The following CCDC82 variants were observed in gnomAD, a reference collection of about 807,000 sequenced individuals.
CCDC82 encodes the protein coiled-coil domain containing 82, also known as coiled-coil domain-containing protein 82.
A neutral mutation model predicts 60.6 loss-of-function variants in CCDC82; 47 were observed. That is an observed-to-expected ratio of 0.77 (90% CI 0.61 to 0.99). The LOEUF (loss-of-function observed/expected upper bound fraction) is 0.99. Ranked by LOEUF, CCDC82 falls within the 50% of genes least tolerant of loss-of-function variation. The pLI is 0.00. For synonymous variants in CCDC82, 212 were observed against 207.4 expected (o/e 1.02, Z -0.19); for missense variants, 588 against 633.0 (o/e 0.93, Z 0.76).
intron 9 of CCDC82, chr11:96,356,360 T>C (rs1864349616): frequency 2.8e-6 from 2 of 722,868 alleles, no homozygotes; most frequent in Non-Finnish European, 3.4e-6. Flanking sequence ...TATATGACAA[T>C]ATTTATCAGT....
At chr11:96,357,184 A>G in intron 9 of CCDC82, 1 of 985,466 alleles carries the variant, frequency 1.0e-6, no homozygotes, top group Non-Finnish European at 1.2e-6. Flanking sequence ...TTGAAATTTC[A>G]TTACAGCACA....
chr11:96,358,932 T>C, intron 9 of CCDC82, 61 bp downstream of exon 9: 1 of 1,354,048 alleles, frequency 7.4e-7, no homozygotes. Context: ...TTTGTTTCCT[T>C]TTGCTGATCA....
chr11:96,359,916 G>T (rs1035087777), intron 8 of CCDC82, among the ~76,000 whole-genome samples: 10 of 150,738 alleles, frequency 6.6e-5, no homozygotes, highest in Non-Finnish European at 1.3e-4. Context: ...TTAATATTTT[G>T]CTGTCAGCCA....
At chr11:96,357,247 A>T in intron 9 of CCDC82, 1 of 985,414 alleles carries the variant, frequency 1.0e-6, no homozygotes, top group Non-Finnish European at 1.2e-6. Flanking sequence ...TTTCTAGGAA[A>T]TCTTTTGAGA....
At chr11:96,356,338 T>A in intron 9 of CCDC82, 2 of 611,076 alleles carry the variant, frequency 3.3e-6, no homozygotes, top group South Asian at 1.4e-4. Context: ...ATTATAATTT[T>A]AAATTATTAT....
rs201134348 is a variant in CCDC82, at chr11:96,383,493, T to A, written c.787-20A>T. 2.8e-4 allele frequency: 423 copies of A among 1,502,416 alleles called. 6 individuals are homozygous for A. The East Asian group carries it at 9.5e-3, about 34-fold the overall frequency. 93.1% of individuals were successfully genotyped at this position (1,502,416 alleles called of 1,614,324 possible). On this transcript the variant is annotated intron_variant, in intron 4 of 9. Transcript: ENST00000646818. ...AGAGTCCTAATTAAATTAAAATAAATGCTTCAGTAAATGGTGCTATTAAAA... is the reference window on the plus strand; with the variant it reads ...AGAGTCCTAATTAAATTAAAATAAAAGCTTCAGTAAATGGTGCTATTAAAA...
intron 1 of CCDC82, chr11:96,389,061 C>T (rs1280362513): frequency 6.6e-6 from 1 of 152,172 alleles, no homozygotes; most frequent in Non-Finnish European, 1.5e-5. Context: ...GTTCTTATCA[C>T]ACTGCTATGA....
intron 5 of CCDC82, among the ~76,000 whole-genome samples, chr11:96,374,299 C>T (rs1007272268): frequency 1.3e-5 from 2 of 152,124 alleles, no homozygotes; most frequent in Non-Finnish European, 2.9e-5. Flanking sequence ...TAAGACCTAT[C>T]ATTAGCAACC....
chr11:96,378,798 C>T (rs539589036), intron 5 of CCDC82, among the ~76,000 whole-genome samples: 1 of 151,940 alleles, frequency 6.6e-6, no homozygotes, highest in African/African-American at 2.4e-5. Flanking sequence ...CCCTCTACTC[C>T]CTACCATATC....
At chr11:96,360,125 T>C (rs564654071) in intron 8 of CCDC82, among the ~76,000 whole-genome samples, 3 of 147,290 alleles carry the variant, frequency 2.0e-5, no homozygotes, top group African/African-American at 4.9e-5. Context: ...ATTTAATATA[T>C]ATTAATATAT....
At chr11:96,388,755 C>T (rs1273482366) in intron 1 of CCDC82, 3 of 152,158 alleles carry the variant, frequency 2.0e-5, no homozygotes, top group Admixed American at 2.0e-4. Context: ...GCAGTGGAAC[C>T]CCAGGTCATT....
intron 9 of CCDC82, chr11:96,357,146 T>C: frequency 1.0e-6 from 1 of 985,380 alleles, no homozygotes; most frequent in Non-Finnish European, 1.2e-6. Context: ...AGAGTGAGGA[T>C]GGGAAATGTC....
Position 96,353,394 on chromosome 11 carries a change from C to T in CCDC82, c.*252G>A, listed in dbSNP as rs1260581043. Reference sequence around the variant, plus strand: ...CACTTGACAGTCATCTGTTATAAAGCCATTATTATATAACTTTAAAATATA... The same window carrying T: ...CACTTGACAGTCATCTGTTATAAAGTCATTATTATATAACTTTAAAATATA... On this transcript the variant is annotated 3_prime_UTR_variant, in exon 10 of 10. Coordinates refer to ENST00000646818, the MANE Select transcript of CCDC82 (RefSeq NM_024725.4). The T allele has an allele frequency of 2.7e-6, 1 of 364,976 alleles. No individual in the cohort carries two copies. Among genetic ancestry groups the T allele is most frequent in the African/African-American group, 2.1e-5 (1 of 47,074 alleles). The allele number at this position is 364,976 out of a possible 1,614,324, so 22.6% of individuals were successfully genotyped here.
chr11:96,369,404 AGT>A (rs1865135897), intron 7 of CCDC82, among the ~76,000 whole-genome samples: 1 of 152,220 alleles, frequency 6.6e-6, no homozygotes, highest in Non-Finnish European at 1.5e-5. Flanking sequence ...TTAGATTTAA[AGT>A]GAGAGACCTG....
chr11:96,358,421 T>G, intron 9 of CCDC82: 1 of 1,228,122 alleles, frequency 8.1e-7, no homozygotes, highest in Non-Finnish European at 1.0e-6. Flanking sequence ...TCAAATTTAG[T>G]GATCAATAGG....
intron 7 of CCDC82, among the ~76,000 whole-genome samples, chr11:96,367,634 G>A (rs148785060): frequency 6.7e-4 from 102 of 152,178 alleles, no homozygotes; most frequent in African/African-American, 2.3e-3. Context: ...TCATCCAGGA[G>A]GGTTGGAATC....
intron 5 of CCDC82, chr11:96,383,064 A>T: frequency 2.0e-6 from 1 of 506,122 alleles, no homozygotes; most frequent in Non-Finnish European, 3.5e-6. Context: ...TCATTGAAGT[A>T]AAGGCGTGTT....
intron 9 of CCDC82, chr11:96,358,679 A>AG: frequency 7.9e-7 from 1 of 1,267,280 alleles, no homozygotes; most frequent in Non-Finnish European, 9.9e-7. Flanking sequence ...AAAAAAAAAA[A>AG]AAAATCAGGG....
chr11:96,377,640 T>C lies in CCDC82; in HGVS notation c.992-4173A>G, dbSNP rs373981963. Among the ~76,000 whole-genome samples the C allele has an allele frequency of 4.6e-5, 7 of 152,218 alleles. No homozygotes were observed. The South Asian group carries it at 1.0e-3, about 23-fold the overall frequency. On this transcript the variant is annotated intron_variant, in intron 5 of 9. Transcript: ENST00000646818. Reference sequence around the variant, plus strand: ...TGTTACCAATGTTTCTCCTAGAATCTCAATAAATTATATGACTTTTTCTCT... The same window carrying C: ...TGTTACCAATGTTTCTCCTAGAATCCCAATAAATTATATGACTTTTTCTCT...
Sources: allele counts gnomAD v4.1 joint callset (sites outside exome capture counted in the v4.1 genomes callset), GRCh38; gene constraint gnomAD v4.1.1; transcripts MANE v1.5; gene names NCBI Gene and HGNC (gene_info 2026-07-23, HGNC 2026-07-21).